The following SPAG16 variants were observed in gnomAD, a reference collection of about 807,000 sequenced individuals.
The protein encoded by SPAG16 is sperm-associated antigen 16 protein.
SPAG16 carries 86 observed loss-of-function variants against 80.4 expected under a neutral mutation model. The observed-to-expected ratio is 1.07, with a 90% CI of 0.90 to 1.28. The LOEUF is 1.28. Ranked by LOEUF, SPAG16 falls within the 50% of genes most tolerant of loss-of-function variation. The pLI is 0.00. For synonymous variants in SPAG16, 294 were observed against 265.9 expected, an observed-to-expected ratio of 1.11 and a Z score of -1.03; for missense variants, 870 against 765.3, an observed-to-expected ratio of 1.14 and a Z score of -1.61.
intron 10 of SPAG16, among the ~76,000 whole-genome samples, chr2:213,861,224 G>C (rs1013561342): frequency 6.6e-6 from 1 of 152,172 alleles, no homozygotes; most frequent in African/African-American, 2.4e-5. Context: ...GAAGCCAGTA[G>C]ATTCCCAAAA....
At chr2:213,463,358 T>TA (rs1235375022) in intron 9 of SPAG16, among the ~76,000 whole-genome samples, 6 of 152,240 alleles carry the variant, frequency 3.9e-5, no homozygotes, top group Non-Finnish European at 7.3e-5. Context: ...AGCTGAATGT[T>TA]AATCACCAAG....
intron 12 of SPAG16, among the ~76,000 whole-genome samples, chr2:213,936,784 G>A (rs1156421521): frequency 6.6e-6 from 1 of 152,128 alleles, no homozygotes; most frequent in African/African-American, 2.4e-5. Context: ...ACAGAATGAG[G>A]AATGCCTTCT....
At chr2:213,927,974 CAT>C (rs1302764626) in intron 11 of SPAG16, among the ~76,000 whole-genome samples, 5 of 152,172 alleles carry the variant, frequency 3.3e-5, no homozygotes, top group East Asian at 1.9e-4. Context: ...GAATGACAAA[CAT>C]ATGTGCAAAC....
At chr2:213,894,168 G>A (rs781170828) in intron 11 of SPAG16, among the ~76,000 whole-genome samples, 29 of 152,116 alleles carry the variant, frequency 1.9e-4, no homozygotes, top group Non-Finnish European at 3.1e-4. Context: ...TATAATATTA[G>A]TGAACAGGGT....
intron 3 of SPAG16, among the ~76,000 whole-genome samples, chr2:213,305,288 A>G: frequency 6.6e-6 from 1 of 152,148 alleles, no homozygotes; most frequent in Non-Finnish European, 1.5e-5. Context: ...GTATAACATC[A>G]TAGCATTTGC....
At chr2:213,694,851 A>AT (rs1418038005) in intron 10 of SPAG16, among the ~76,000 whole-genome samples, 1 of 150,562 alleles carries the variant, frequency 6.6e-6, no homozygotes, top group Non-Finnish European at 1.5e-5. Flanking sequence ...CACTCCATCT[A>AT]TTTTTTGCTC....
chr2:213,695,081 C>G (rs1428991155), intron 10 of SPAG16, among the ~76,000 whole-genome samples: 2 of 152,110 alleles, frequency 1.3e-5, no homozygotes, highest in Non-Finnish European at 2.9e-5. Flanking sequence ...GAGGTTGATA[C>G]CACTGTGAGT....
intron 11 of SPAG16, among the ~76,000 whole-genome samples, chr2:213,888,061 C>T (rs1383597781): frequency 6.6e-6 from 1 of 151,814 alleles, no homozygotes; most frequent in Non-Finnish European, 1.5e-5. Flanking sequence ...CTTTCAGAAA[C>T]ACAATTCTGG....
chr2:214,338,765 T>C lies in SPAG16; in HGVS notation c.1721-71375T>C, dbSNP rs532976078. Among the ~76,000 whole-genome samples the C allele has an allele frequency of 5.3e-5, 8 of 152,326 alleles. 1 individual carries two copies. The highest frequency in any genetic ancestry group is 1.7e-4 in the African/African-American group (7 of 41,584). ...TACTGTAACATATTTCAAGAATGTC[T>C]ATAATTATCTGAAATCCTAACTATT... On this transcript the variant is annotated intron_variant, in intron 15 of 15. Transcript: ENST00000331683.
At chr2:213,689,133 T>C (rs1004159649) in intron 10 of SPAG16, among the ~76,000 whole-genome samples, 3 of 152,174 alleles carry the variant, frequency 2.0e-5, no homozygotes, top group Admixed American at 2.0e-4. Context: ...TTAGTGTTTG[T>C]ATTTTTAGTA....
chr2:214,221,670 G>A (rs1277290066), intron 15 of SPAG16, among the ~76,000 whole-genome samples: 1 of 152,052 alleles, frequency 6.6e-6, no homozygotes, highest in East Asian at 1.9e-4. Flanking sequence ...AAGAAAAAAA[G>A]TGACATTTTT....
chr2:213,694,042 C>CAAAAAAAAAAAAAAAAAAAAA (rs68152101), intron 10 of SPAG16, among the ~76,000 whole-genome samples: 1 of 121,368 alleles, frequency 8.2e-6, no homozygotes, highest in African/African-American at 3.2e-5. Flanking sequence ...TTATGCAAGA[C>CAAAAAAAAAAAAAAAAAAAAA]AAAAAAAAAA....
chr2:213,599,089 A>C (rs548670390), intron 10 of SPAG16, among the ~76,000 whole-genome samples: 1 of 152,346 alleles, frequency 6.6e-6, no homozygotes, highest in Non-Finnish European at 1.5e-5. Flanking sequence ...AATAGTCACA[A>C]CTAAAATATT....
intron 10 of SPAG16, among the ~76,000 whole-genome samples, chr2:213,629,827 A>C (rs2062080509): frequency 6.6e-6 from 1 of 152,136 alleles, no homozygotes; most frequent in Non-Finnish European, 1.5e-5. Context: ...TCGCTGTCTA[A>C]TGTAAAGTCT....
At chr2:213,610,362 A>G (rs1294327563) in intron 10 of SPAG16, among the ~76,000 whole-genome samples, 2 of 152,122 alleles carry the variant, frequency 1.3e-5, no homozygotes. Flanking sequence ...GGAAAGATTG[A>G]CTGAAAGTTT....
chr2:214,250,753 T>TAGAG (rs747802708), intron 15 of SPAG16, among the ~76,000 whole-genome samples: 1,223 of 99,336 alleles, frequency 0.012, 9 homozygotes, highest in African/African-American at 0.02. Flanking sequence ...TATATATATA[T>TAGAG]ATATAGAGAG....
intron 12 of SPAG16, among the ~76,000 whole-genome samples, chr2:213,947,792 A>G (rs2079540575): frequency 6.6e-6 from 1 of 152,172 alleles, no homozygotes; most frequent in African/African-American, 2.4e-5. Context: ...GTTCTATTCT[A>G]CTGATCTATG....
chr2:213,544,141 C>T (rs550057117), intron 10 of SPAG16, among the ~76,000 whole-genome samples: 8 of 151,786 alleles, frequency 5.3e-5, no homozygotes, highest in Admixed American at 5.3e-4. Flanking sequence ...CTAGTTAGTC[C>T]ATCCTTTTTT....
chr2:214,059,038 A>G (rs1200849286), intron 13 of SPAG16, among the ~76,000 whole-genome samples: 1 of 151,690 alleles, frequency 6.6e-6, no homozygotes, highest in Non-Finnish European at 1.5e-5. Context: ...ACCAGTCAGT[A>G]CAATGGTTTT....
Sources: allele counts gnomAD v4.1 joint callset (sites outside exome capture counted in the v4.1 genomes callset), GRCh38; gene constraint gnomAD v4.1.1; transcripts MANE v1.5; gene names NCBI Gene and HGNC (gene_info 2026-07-23, HGNC 2026-07-21).